The following TDRD9 variants were observed in gnomAD, a reference collection of about 807,000 sequenced individuals.
The protein encoded by TDRD9 is ATP-dependent RNA helicase TDRD9.
In TDRD9, 124 loss-of-function variants were observed where a neutral mutation model predicts 172.6. That is an observed-to-expected ratio of 0.72 (90% CI 0.62 to 0.83). The LOEUF is 0.83. Ranked by LOEUF, TDRD9 falls within the 40% of genes least tolerant of loss-of-function variation. TDRD9 has a pLI of 0.00. For synonymous variants in TDRD9, 619 were observed against 617.1 expected, an observed-to-expected ratio of 1.00 and a Z score of -0.05; for missense variants, 1,479 against 1,714.1, an observed-to-expected ratio of 0.86 and a Z score of 2.42.
At chr14:103,966,967 C>A in intron 5 of TDRD9, 136 bp downstream of exon 5, 2 of 798,794 alleles carry the variant, frequency 2.5e-6, no homozygotes, top group Non-Finnish European at 3.5e-6. Context: ...GGACTTTTCT[C>A]AGTAAGGATG....
chr14:103,957,868 C>T (rs1466051026), intron 2 of TDRD9, among the ~76,000 whole-genome samples: 1 of 152,204 alleles, frequency 6.6e-6, no homozygotes, highest in Non-Finnish European at 1.5e-5. Context: ...AAATGAATGC[C>T]TGAAACTCGA....
intron 1 of TDRD9, among the ~76,000 whole-genome samples, chr14:103,931,914 G>T (rs930739706): frequency 2.6e-5 from 4 of 152,180 alleles, no homozygotes; most frequent in African/African-American, 9.6e-5. Flanking sequence ...AATGGAATAT[G>T]GGCAGCTAGG....
chr14:103,932,780 T>G (rs2030485005), intron 1 of TDRD9, among the ~76,000 whole-genome samples: 1 of 152,114 alleles, frequency 6.6e-6, no homozygotes, highest in Non-Finnish European at 1.5e-5. Flanking sequence ...GTACACCAAG[T>G]CACTGCAGTC....
At chr14:103,935,211 G>A (rs1595889095) in intron 1 of TDRD9, among the ~76,000 whole-genome samples, 1 of 152,184 alleles carries the variant, frequency 6.6e-6, no homozygotes, top group East Asian at 1.9e-4. Flanking sequence ...TGTTGATTCT[G>A]TTTCTTTAGA....
chr14:103,931,388 A>G (rs1240360984), intron 1 of TDRD9, among the ~76,000 whole-genome samples: 1 of 152,176 alleles, frequency 6.6e-6, no homozygotes, highest in Non-Finnish European at 1.5e-5. Flanking sequence ...GTGACAGGCA[A>G]TGTTGGTCTA....
At chr14:104,011,541 T>A (rs28522352) in intron 20 of TDRD9, among the ~76,000 whole-genome samples, 50,216 of 151,874 alleles carry the variant, frequency 0.33, 8,470 homozygotes, top group Middle Eastern at 0.37. Context: ...GGATCAATTT[T>A]AAAAAAAATT....
chr14:103,975,739 C>T (rs992587844), intron 7 of TDRD9, among the ~76,000 whole-genome samples, 186 bp downstream of exon 7: 17 of 152,162 alleles, frequency 1.1e-4, no homozygotes, highest in African/African-American at 4.1e-4. Flanking sequence ...GTGTCATGAT[C>T]AAGTCAAGGT....
chr14:103,996,733 A>T (rs1307768069), intron 12 of TDRD9, among the ~76,000 whole-genome samples: 2 of 152,200 alleles, frequency 1.3e-5, no homozygotes, highest in African/African-American at 4.8e-5. Flanking sequence ...TGTTCTCATG[A>T]CACATTCGGG....
intron 5 of TDRD9, among the ~76,000 whole-genome samples, chr14:103,970,307 C>A (rs577323262): frequency 1.3e-5 from 2 of 152,158 alleles, no homozygotes; most frequent in Non-Finnish European, 2.9e-5. Flanking sequence ...TCTGCCGTCT[C>A]TCAGGGGGCC....
At chr14:103,982,344 A>T (rs1229796305) in intron 7 of TDRD9, among the ~76,000 whole-genome samples, 2 of 152,068 alleles carry the variant, frequency 1.3e-5, no homozygotes, top group African/African-American at 2.4e-5. Context: ...CAATTCATTT[A>T]TTGCAGGGTG....
chr14:104,002,331 A>G (rs1406598664), intron 13 of TDRD9, among the ~76,000 whole-genome samples: 2 of 151,606 alleles, frequency 1.3e-5, no homozygotes, highest in Non-Finnish European at 2.9e-5. Context: ...AAAAAAAAAA[A>G]AAAAAAGAAA....
chr14:104,005,274 C>T lies in TDRD9; in HGVS notation c.1582C>T (p.Arg528Cys), dbSNP rs199531888. The T allele has an allele frequency of 2.0e-5, 32 of 1,613,550 alleles. No homozygotes were observed. Among genetic ancestry groups the T allele is most frequent in the Middle Eastern group, 1.6e-4 (1 of 6,082 alleles). ...TAATCTCAGGCTTGTTTCTTTTCAG[C>T]GTTGTCCATTAGGAAGCACGATCTT... ...IPDHVVPEMLRCPLGSTILKV... is the reference protein window; with the variant it reads ...IPDHVVPEMLCCPLGSTILKV... The change falls in exon 15 of 36, where the codon CGT becomes TGT. Residue 528 changes from arginine to cysteine, a missense_variant and splice_region_variant. Coordinates refer to ENST00000409874, the MANE Select transcript of TDRD9 (RefSeq NM_153046.3).
rs1192231764 is a variant in TDRD9 at position 104,026,865 on chromosome 14, G to A, written c.3208G>A (p.Asp1070Asn). The change falls in exon 28 of 36, where the codon GAT (aspartate) becomes AAT (asparagine). Residue 1070 changes from aspartate to asparagine, a missense_variant. Physicochemically the swap from Asp to Asn is conservative, Grantham distance 23. Transcript: ENST00000409874. ...VDVYQYSGVQ[D>N]AINIRDVLIQ... ...TGTGTACCAGTACTCAGGGGTCCAG[G>A]ATGCCATCAACATAAGAGACGTCCT... 1 of 1,613,922 alleles carries A rather than the reference G, an allele frequency of 6.2e-7. No homozygotes were observed. Among genetic ancestry groups the A allele is most frequent in the Non-Finnish European group, 8.5e-7 (1 of 1,179,910 alleles).
At chr14:104,049,087 GGTT>G (rs747589397) in intron 34 of TDRD9, among the ~76,000 whole-genome samples, 90 of 150,650 alleles carry the variant, frequency 6.0e-4, no homozygotes, top group Non-Finnish European at 1.1e-3. Flanking sequence ...GCCTTCAAAT[GGTT>G]GTTGTTGGTA....
At chr14:103,936,012 G>A (rs1307520272) in intron 1 of TDRD9, among the ~76,000 whole-genome samples, 2 of 152,050 alleles carry the variant, frequency 1.3e-5, no homozygotes, top group Non-Finnish European at 2.9e-5. Context: ...CAGGGCATTT[G>A]GTGAGTAGAT....
chr14:103,967,068 G>T (rs1324958673), intron 5 of TDRD9, among the ~76,000 whole-genome samples: 1 of 152,044 alleles, frequency 6.6e-6, no homozygotes, highest in Non-Finnish European at 1.5e-5. Flanking sequence ...CTTTGGTACT[G>T]GTTCTTAAAC....
intron 1 of TDRD9, among the ~76,000 whole-genome samples, chr14:103,937,573 C>T (rs1023235759): frequency 1.3e-5 from 2 of 152,184 alleles, no homozygotes; most frequent in Non-Finnish European, 2.9e-5. Context: ...AGCCAAAACC[C>T]AGCCCTTCCA....
chr14:103,957,070 C>G (rs1047291029), intron 2 of TDRD9, among the ~76,000 whole-genome samples: 16 of 152,150 alleles, frequency 1.1e-4, no homozygotes, highest in Non-Finnish European at 1.9e-4. Flanking sequence ...GTAGATTAAT[C>G]CTTATCATTC....
chr14:104,033,792 G>A (rs527999745), intron 30 of TDRD9, among the ~76,000 whole-genome samples, 168 bp from the exon 31 acceptor site: 1 of 152,252 alleles, frequency 6.6e-6, no homozygotes, highest in South Asian at 2.1e-4. Context: ...GTGAAGAGGT[G>A]GTCCAGTAAA....
Sources: gnomAD v4.1 joint callset for allele counts (sites outside exome capture counted in the v4.1 genomes callset) on GRCh38, gnomAD v4.1.1 for gene constraint, MANE v1.5 for transcripts, NCBI Gene and HGNC (gene_info 2026-07-23, HGNC 2026-07-21) for gene names.